The following HTR4 variants were observed in gnomAD, a reference collection of about 807,000 sequenced individuals.
The protein encoded by HTR4 is 5-hydroxytryptamine receptor 4.
Under a neutral mutation model 36.8 loss-of-function variants are expected in HTR4, and 16 were observed. The observed-to-expected ratio is 0.43, with a 90% CI of 0.29 to 0.66. The LOEUF is 0.66. Ranked by LOEUF, HTR4 falls within the 30% of genes least tolerant of loss-of-function variation. The pLI is 0.13. For missense variants in HTR4, 438 were observed against 490.9 expected, an observed-to-expected ratio of 0.89 and a Z score of 1.02; for synonymous variants, 189 against 185.1, an observed-to-expected ratio of 1.02 and a Z score of -0.17.
At chr5:148,460,679 C>T (rs566099613) in intron 5 of HTR4, among the ~76,000 whole-genome samples, 6 of 152,044 alleles carry the variant, frequency 3.9e-5, no homozygotes, top group Admixed American at 2.6e-4. Flanking sequence ...AATAAATAGG[C>T]CAGATTCTCA....
At chr5:148,601,770 C>T (rs1476707647) in intron 2 of HTR4, among the ~76,000 whole-genome samples, 1 of 152,214 alleles carries the variant, frequency 6.6e-6, no homozygotes, top group South Asian at 2.1e-4. Flanking sequence ...GGCCACACTC[C>T]GGCCTGGGAG....
chr5:148,521,040 T>G (rs1287782074), intron 5 of HTR4: 1 of 1,358,020 alleles, frequency 7.4e-7, no homozygotes, highest in Non-Finnish European at 9.8e-7. Context: ...GTCTTGAGGG[T>G]CCTGTTGCTC....
chr5:148,609,548 T>A (rs1222160983), intron 2 of HTR4, among the ~76,000 whole-genome samples: 1 of 151,906 alleles, frequency 6.6e-6, no homozygotes, highest in Non-Finnish European at 1.5e-5. Flanking sequence ...CCCACTTTTG[T>A]ATAATGTGCT....
chr5:148,623,471 G>A (rs1398830927), intron 2 of HTR4, among the ~76,000 whole-genome samples: 1 of 152,110 alleles, frequency 6.6e-6, no homozygotes, highest in Non-Finnish European at 1.5e-5. Context: ...AGGGGCAGAG[G>A]ATGAGCTTAA....
intron 2 of HTR4, among the ~76,000 whole-genome samples, chr5:148,619,719 T>C: frequency 6.6e-6 from 1 of 152,100 alleles, no homozygotes; most frequent in African/African-American, 2.4e-5. Flanking sequence ...GTGATTTGCC[T>C]GGTCCAGCCA....
intron 2 of HTR4, among the ~76,000 whole-genome samples, chr5:148,619,448 C>A (rs1187636694): frequency 1.3e-5 from 2 of 150,866 alleles, no homozygotes; most frequent in Non-Finnish European, 2.9e-5. Context: ...ACTAGGCAAT[C>A]ATTTAAGTTA....
intron 6 of HTR4, among the ~76,000 whole-genome samples, chr5:148,491,626 C>T (rs566717137): frequency 2.0e-5 from 3 of 152,100 alleles, no homozygotes; most frequent in African/African-American, 7.2e-5. Flanking sequence ...TTGTGACAAC[C>T]AAAAATGCCA....
At chr5:148,568,070 A>C (rs538931943) in intron 2 of HTR4, among the ~76,000 whole-genome samples, 1 of 152,240 alleles carries the variant, frequency 6.6e-6, no homozygotes, top group East Asian at 1.9e-4. Flanking sequence ...ACTTTATCCA[A>C]AGTCCTGCCT....
intron 6 of HTR4, among the ~76,000 whole-genome samples, chr5:148,502,216 C>A (rs1259486915): frequency 6.6e-6 from 1 of 152,138 alleles, no homozygotes; most frequent in East Asian, 1.9e-4. Flanking sequence ...GGGTCCCTGA[C>A]CCCCAAGTAG....
At position 148,509,590 on chromosome 5, in the gene HTR4, G is replaced by A. The variant is rs56031837; in HGVS notation, c.942C>T (p.Phe314=). ...AGGCACGTCTAAAAGACTTATTCAAGAAGGCGTAGAGAAAAGGGTTCAACC... is the reference window on the plus strand; with the variant it reads ...AGGCACGTCTAAAAGACTTATTCAAAAAGGCGTAGAGAAAAGGGTTCAACC... The part of the protein sequence containing the change: ...NSGLNPFLYA[F]LNKSFRRAFL... Residue 314 remains phenylalanine (F), a synonymous_variant, in exon 6 of 7, where the codon TTC becomes TTT. Transcript: ENST00000377888. The A allele has an allele frequency of 8.9e-4, 1,432 of 1,614,076 alleles. 5 individuals are homozygous for A. The highest frequency in any genetic ancestry group is 5.9e-3 in the Middle Eastern group (36 of 6,062).
At chr5:148,535,870 C>T (rs536759479) in intron 4 of HTR4, among the ~76,000 whole-genome samples, 1 of 152,144 alleles carries the variant, frequency 6.6e-6, no homozygotes, top group East Asian at 1.9e-4. Context: ...CAGTCAAATT[C>T]AGGAAATATA....
intron 2 of HTR4, among the ~76,000 whole-genome samples, chr5:148,591,345 GT>G (rs560156300): frequency 6.6e-6 from 1 of 151,966 alleles, no homozygotes; most frequent in Non-Finnish European, 1.5e-5. Context: ...TTTAAAATAG[GT>G]TTTTTTAATA....
At chr5:148,620,437 T>C (rs2127293066) in intron 2 of HTR4, among the ~76,000 whole-genome samples, 1 of 152,354 alleles carries the variant, frequency 6.6e-6, no homozygotes, top group Non-Finnish European at 1.5e-5. Context: ...TCTAGAACTA[T>C]ACTGTCCGAT....
At chr5:148,496,909 G>A (rs577337158) in intron 6 of HTR4, among the ~76,000 whole-genome samples, 1 of 152,308 alleles carries the variant, frequency 6.6e-6, no homozygotes, top group African/African-American at 2.4e-5. Context: ...TGCATTAAAT[G>A]CTCAATACAT....
chr5:148,474,342 G>A (rs370594977), downstream of HTR4, among the ~76,000 whole-genome samples: 2 of 151,914 alleles, frequency 1.3e-5, no homozygotes, highest in South Asian at 2.1e-4. Context: ...GGTGTGGGGG[G>A]GCTGATCTTT....
chr5:148,640,924 A>C (rs1396770879), intron 1 of HTR4, among the ~76,000 whole-genome samples: 1 of 152,194 alleles, frequency 6.6e-6, no homozygotes, highest in East Asian at 1.9e-4. Flanking sequence ...CCAATGAGCA[A>C]ATTTAAAATG....
At chr5:148,615,288 C>G (rs1234881371) in intron 2 of HTR4, among the ~76,000 whole-genome samples, 1 of 151,964 alleles carries the variant, frequency 6.6e-6, no homozygotes, top group African/African-American at 2.4e-5. Flanking sequence ...CCCAAATGTC[C>G]AACATTGATA....
intron 2 of HTR4, among the ~76,000 whole-genome samples, chr5:148,613,864 A>G (rs1201616094): frequency 6.6e-6 from 1 of 152,176 alleles, no homozygotes; most frequent in Non-Finnish European, 1.5e-5. Flanking sequence ...TGCAAAAATC[A>G]CAAGCATTCC....
At chr5:148,583,234 C>G (rs1226443966) in intron 2 of HTR4, among the ~76,000 whole-genome samples, 1 of 148,044 alleles carries the variant, frequency 6.8e-6, no homozygotes, top group Non-Finnish European at 1.5e-5. Flanking sequence ...TGCTGGATTA[C>G]ATTTATTGAT....
Sources: allele counts gnomAD v4.1 joint callset (sites outside exome capture counted in the v4.1 genomes callset), GRCh38; gene constraint gnomAD v4.1.1; transcripts MANE v1.5; gene names NCBI Gene and HGNC (gene_info 2026-07-23, HGNC 2026-07-21).